The following TRPM8 variants were observed in gnomAD, a reference collection of about 807,000 sequenced individuals.
TRPM8 encodes the protein transient receptor potential cation channel subfamily M member 8.
In TRPM8, 110 loss-of-function variants were observed where a neutral mutation model predicts 133.7. The observed-to-expected ratio is 0.82, with a 90% CI of 0.70 to 0.96. The LOEUF is 0.96. Among genes scored for constraint, TRPM8 ranks in the 40% least tolerant of loss-of-function variants. The pLI is 0.00. For synonymous variants in TRPM8, 535 were observed against 532.3 expected, an observed-to-expected ratio of 1.01 and a Z score of -0.07; for missense variants, 1,291 against 1,379.5, an observed-to-expected ratio of 0.94 and a Z score of 1.02.
At chr2:233,971,359 T>C (rs1691712099) in intron 17 of TRPM8, among the ~76,000 whole-genome samples, 1 of 152,162 alleles carries the variant, frequency 6.6e-6, no homozygotes, top group Non-Finnish European at 1.5e-5. Flanking sequence ...CTTCTAGCCG[T>C]CCTGGGTTGA....
Position 233,980,267 on chromosome 2 carries a change from G to A in TRPM8, c.2435G>A (p.Gly812Glu). 1.9e-6 allele frequency: 3 copies of A among 1,593,954 alleles called. No homozygotes were observed. The highest frequency in any genetic ancestry group is 2.6e-6 in the Non-Finnish European group (3 of 1,173,950). Reference sequence around the variant, plus strand: ...CTGGGGCTTTTTTACTTCATAGCAGGAATTGTATTTCGGTAAGTAGTCTCA... The same window carrying A: ...CTGGGGCTTTTTTACTTCATAGCAGAAATTGTATTTCGGTAAGTAGTCTCA... The part of the protein sequence containing the change: ...DTLGLFYFIA[G>E]IVFRLHSSNK... Residue 812 changes from glycine to glutamate, a missense_variant, in exon 18 of 26, where the codon GGA becomes GAA. By Grantham distance (98) the Gly-to-Glu change is moderately conservative. Transcript: ENST00000324695.
chr2:233,947,018 C>A, intron 7 of TRPM8, 70 bp from the exon 8 acceptor site: 1 of 1,463,128 alleles, frequency 6.8e-7, no homozygotes, highest in South Asian at 1.2e-5. Context: ...GCTCTTGGTC[C>A]AACTTTTCAC....
At chr2:233,965,092 T>C (rs559321918) in intron 14 of TRPM8, among the ~76,000 whole-genome samples, 52 of 151,328 alleles carry the variant, frequency 3.4e-4, no homozygotes, top group Non-Finnish European at 7.4e-4. Flanking sequence ...TACAACATTG[T>C]GACAGGGCTG....
In TRPM8 at chr2:233,938,364, C is replaced by G. The variant is rs1340343477; in HGVS notation, c.349-634C>G. Among the ~76,000 whole-genome samples the G allele has an allele frequency of 2.0e-5, 3 of 152,310 alleles. No individual in the cohort carries two copies. In the South Asian group the frequency reaches 6.2e-4, roughly 32 times the overall value. On this transcript the variant is annotated intron_variant, in intron 4 of 25. Transcript: ENST00000324695. ...CCAGTCTGCTTTCCTTCTGTGAACC[C>G]TGAATATCTGAGACAGGTCTCAGTT...
rs1574706772 is a variant in TRPM8, at chr2:233,942,598, C to T, written c.549C>T (p.Gly183=). The change falls in exon 6 of 26, where the codon GGC becomes GGT. Residue 183 remains glycine, a synonymous_variant. Transcript: ENST00000324695. ...CAGGTGCTTGGATTCTCACGGGAGGCACCCATTATGGCCTGATGAAGTACA... is the reference window on the plus strand; with the variant it reads ...CAGGTGCTTGGATTCTCACGGGAGGTACCCATTATGGCCTGATGAAGTACA... The part of the protein sequence containing the change: ...QSKGAWILTG[G]THYGLMKYIG... The T allele has an allele frequency of 6.2e-7, 1 of 1,614,212 alleles. No individual in the cohort carries two copies. Among genetic ancestry groups the T allele is most frequent in the East Asian group, 2.2e-5 (1 of 44,882 alleles).
intron 21 of TRPM8, among the ~76,000 whole-genome samples, chr2:233,992,492 C>A (rs997911290): frequency 2.0e-5 from 3 of 152,112 alleles, no homozygotes; most frequent in African/African-American, 7.2e-5. Context: ...ACAAAGTGAT[C>A]TGAATTCTAA....
Position 233,954,581 on chromosome 2 carries a change from A to G in TRPM8, c.1244-551A>G, listed in dbSNP as rs552584395. On this transcript the variant is annotated intron_variant, in intron 10 of 25. Coordinates refer to ENST00000324695, the MANE Select transcript of TRPM8 (RefSeq NM_024080.5). ...GACTTGAATTGTGTGACTGATAAAT[A>G]TAAATTAGCTAGAGTAGAGCCAGGC... 1.1e-3 allele frequency among the ~76,000 whole-genome samples: 162 copies of G among 152,348 alleles called. 1 individual carries two copies. Among genetic ancestry groups the G allele is most frequent in the Non-Finnish European group, 2.0e-3 (134 of 68,036 alleles).
At chr2:233,978,929 A>G (rs1691938467) in intron 17 of TRPM8, among the ~76,000 whole-genome samples, 1 of 152,162 alleles carries the variant, frequency 6.6e-6, no homozygotes, top group Non-Finnish European at 1.5e-5. Flanking sequence ...GAAATTAATG[A>G]TGTGTCTTGA....
intron 24 of TRPM8, among the ~76,000 whole-genome samples, chr2:234,011,113 T>A (rs779391515): frequency 6.6e-6 from 1 of 152,234 alleles, no homozygotes; most frequent in Non-Finnish European, 1.5e-5. Flanking sequence ...TCAAGTCTTA[T>A]GTTTAAGCCT....
At chr2:233,976,880 C>T (rs1691885414) in intron 17 of TRPM8, among the ~76,000 whole-genome samples, 1 of 152,102 alleles carries the variant, frequency 6.6e-6, no homozygotes, top group Non-Finnish European at 1.5e-5. Context: ...CACTGTTTCT[C>T]TTCTGGTCTG....
rs578184087 is a variant in TRPM8, at chr2:233,995,715, GTTTC to G, written c.2940-601_2940-598del. ...ACATTTTCTTAGTGATGAACATTTA[GTTTC>G]TTTCTTTCTCTTTGAGTAGGGGGTG... On this transcript the variant is annotated intron_variant, in intron 21 of 25. Transcript: ENST00000324695. 2.1e-4 allele frequency among the ~76,000 whole-genome samples: 32 copies of G among 151,764 alleles called. 1 individual carries two copies. The South Asian group carries it at 2.7e-3, about 13-fold the overall frequency.
At chr2:233,946,260 G>A (rs1691041331) in intron 7 of TRPM8, 3 of 422,272 alleles carry the variant, frequency 7.1e-6, no homozygotes, top group Admixed American at 7.4e-5. Flanking sequence ...TGATAAATAC[G>A]GCCATCTTCC....
chr2:233,975,585 C>G (rs1451286206), intron 17 of TRPM8, among the ~76,000 whole-genome samples: 1 of 152,216 alleles, frequency 6.6e-6, no homozygotes, highest in Non-Finnish European at 1.5e-5. Context: ...CTTTAGGCAT[C>G]TAAAGAAACC....
intron 8 of TRPM8, among the ~76,000 whole-genome samples, chr2:233,948,697 C>T (rs1271458853): frequency 2.0e-5 from 3 of 152,144 alleles, no homozygotes; most frequent in Admixed American, 6.5e-5. Flanking sequence ...ATTAACAACC[C>T]ACAGTAGTGG....
chr2:233,947,449 C>T lies in TRPM8; in HGVS notation c.942+294C>T, dbSNP rs991681280. ...ATTCGGGAGACTTAAAGATTGTAAC[C>T]GGCATATATATTAGAAAGCTATGGC... On this transcript the variant is annotated intron_variant, in intron 8 of 25. Coordinates refer to ENST00000324695, the MANE Select transcript of TRPM8 (RefSeq NM_024080.5). The T allele has an allele frequency of 7.6e-5, 106 of 1,399,206 alleles. 1 individual carries two copies. Among genetic ancestry groups the T allele is most frequent in the South Asian group, 6.7e-4 (55 of 81,768 alleles). The allele number at this position is 1,399,206 out of a possible 1,614,324, so 86.7% of individuals were successfully genotyped here. A position where few individuals can be genotyped will look rare whatever the true frequency, so the allele number is the denominator to read the frequency against.
intron 5 of TRPM8, among the ~76,000 whole-genome samples, chr2:233,941,220 A>G (rs1690897405): frequency 6.6e-6 from 1 of 152,216 alleles, no homozygotes; most frequent in Non-Finnish European, 1.5e-5. Flanking sequence ...TTGTTTGGCT[A>G]CATGACTTTT....
chr2:233,985,679 C>T lies in TRPM8; in HGVS notation c.2762-9C>T, dbSNP rs1351628995. 2.5e-6 allele frequency: 4 copies of T among 1,611,874 alleles called. No homozygotes were observed. The highest frequency in any genetic ancestry group is 2.5e-6 in the Non-Finnish European group (3 of 1,178,314). ...TCCTCACTTTGCCTGTTGGTTTCTA[C>T]ATCCTCAGGTACCACGTATGACTTT... On this transcript the variant is annotated splice_polypyrimidine_tract_variant and intron_variant, in intron 20 of 25. Coordinates refer to ENST00000324695, the MANE Select transcript of TRPM8 (RefSeq NM_024080.5).
At chr2:233,938,934 A>C in intron 4 of TRPM8, 64 bp from the exon 5 acceptor site, 2 of 1,550,914 alleles carry the variant, frequency 1.3e-6, no homozygotes, top group Non-Finnish European at 1.8e-6. Flanking sequence ...TTGGGAGGGA[A>C]TGCTAAACCC....
intron 3 of TRPM8, among the ~76,000 whole-genome samples, chr2:233,931,059 G>C (rs989509695): frequency 1.3e-5 from 2 of 152,192 alleles, no homozygotes; most frequent in East Asian, 3.8e-4. Flanking sequence ...TACAGCTGTT[G>C]GCTGGCAATA....
Sources: gnomAD v4.1 joint callset for allele counts (sites outside exome capture counted in the v4.1 genomes callset) on GRCh38, gnomAD v4.1.1 for gene constraint, MANE v1.5 for transcripts, NCBI Gene and HGNC (gene_info 2026-07-23, HGNC 2026-07-21) for gene names.